The following GPC5 variants were observed in gnomAD, a reference collection of about 807,000 sequenced individuals.
The protein encoded by GPC5 is glypican-5.
GPC5 carries 47 observed loss-of-function variants against 53.9 expected under a neutral mutation model. The observed-to-expected ratio is 0.87, with a 90% confidence interval of 0.69 to 1.11. The LOEUF (loss-of-function observed/expected upper bound fraction) is 1.11. Among genes scored for constraint, GPC5 ranks in the 50% most tolerant of loss-of-function variants. The pLI is 0.00. For synonymous variants in GPC5, 286 were observed against 263.3 expected, an observed-to-expected ratio of 1.09 and a Z score of -0.84; for missense variants, 748 against 713.1, an observed-to-expected ratio of 1.05 and a Z score of -0.56.
At chr13:92,562,326 CT>C (rs1882726609) in intron 7 of GPC5, among the ~76,000 whole-genome samples, 1 of 152,056 alleles carries the variant, frequency 6.6e-6, no homozygotes, top group Non-Finnish European at 1.5e-5. Context: ...GCCAAGAAGT[CT>C]GTGTTCTCCT....
intron 7 of GPC5, among the ~76,000 whole-genome samples, chr13:92,174,514 G>A (rs1300460763): frequency 2.7e-5 from 4 of 148,154 alleles, no homozygotes; most frequent in African/African-American, 1.0e-4. Context: ...CAGCCTAGGC[G>A]ACAGAGCGAG....
At chr13:92,193,386 A>G (rs1335287843) in intron 7 of GPC5, among the ~76,000 whole-genome samples, 1 of 152,154 alleles carries the variant, frequency 6.6e-6, no homozygotes, top group Non-Finnish European at 1.5e-5. Flanking sequence ...CAAATTCTGA[A>G]CTCCATATCT....
intron 7 of GPC5, among the ~76,000 whole-genome samples, chr13:92,575,607 T>C (rs939693600): frequency 6.6e-6 from 1 of 152,096 alleles, no homozygotes; most frequent in African/African-American, 2.4e-5. Context: ...AGGAAACTCA[T>C]ATAAATAGAA....
intron 2 of GPC5, among the ~76,000 whole-genome samples, chr13:91,601,437 G>A (rs988895453): frequency 6.6e-6 from 1 of 152,120 alleles, no homozygotes; most frequent in Admixed American, 6.5e-5. Flanking sequence ...GATAGGGCAG[G>A]GATCCCCAAC....
At chr13:91,410,711 T>C (rs1274694110) in intron 1 of GPC5, among the ~76,000 whole-genome samples, 4 of 152,246 alleles carry the variant, frequency 2.6e-5, no homozygotes, top group Non-Finnish European at 5.9e-5. Context: ...TCTCAAGGTA[T>C]TAATCCTGTA....
intron 7 of GPC5, among the ~76,000 whole-genome samples, chr13:92,311,638 G>A (rs1016638302): frequency 6.6e-6 from 1 of 152,172 alleles, no homozygotes; most frequent in Non-Finnish European, 1.5e-5. Flanking sequence ...AGCCAAGAGA[G>A]TGTGTGCAGG....
At chr13:92,580,712 A>G (rs1433945466) in intron 7 of GPC5, among the ~76,000 whole-genome samples, 2 of 152,102 alleles carry the variant, frequency 1.3e-5, no homozygotes. Flanking sequence ...TGACACTCAC[A>G]CTTTTAAATG....
intron 7 of GPC5, among the ~76,000 whole-genome samples, chr13:92,510,364 G>A (rs547662494): frequency 1.3e-5 from 2 of 152,204 alleles, no homozygotes; most frequent in Non-Finnish European, 2.9e-5. Flanking sequence ...AGATGCCAGT[G>A]GGTTAGAATA....
intron 7 of GPC5, among the ~76,000 whole-genome samples, chr13:92,654,652 G>A (rs548630327): frequency 8.6e-5 from 13 of 151,578 alleles, no homozygotes; most frequent in African/African-American, 2.7e-4. Context: ...TGTTGAAATC[G>A]TTTGACAAAC....
At chr13:91,577,236 C>G (rs953017035) in intron 2 of GPC5, among the ~76,000 whole-genome samples, 9 of 152,256 alleles carry the variant, frequency 5.9e-5, no homozygotes, top group East Asian at 1.9e-4. Flanking sequence ...GTAGTTGGGT[C>G]TTTGGGAAAT....
intron 7 of GPC5, among the ~76,000 whole-genome samples, chr13:92,247,176 A>C (rs1371251894): frequency 6.6e-6 from 1 of 152,146 alleles, no homozygotes; most frequent in East Asian, 1.9e-4. Context: ...AAAGAAAATA[A>C]AGATGACTGC....
At chr13:92,631,969 A>C (rs568389036) in intron 7 of GPC5, among the ~76,000 whole-genome samples, 5 of 152,168 alleles carry the variant, frequency 3.3e-5, no homozygotes, top group Non-Finnish European at 5.9e-5. Flanking sequence ...ATAATCCTCA[A>C]TCTGAAACAT....
intron 7 of GPC5, among the ~76,000 whole-genome samples, chr13:92,645,620 G>T (rs1481892377): frequency 1.3e-5 from 2 of 152,106 alleles, no homozygotes; most frequent in South Asian, 4.1e-4. Flanking sequence ...GTTTTCCAAA[G>T]TGGCTATAAT....
chr13:92,522,443 A>G (rs1276753518), intron 7 of GPC5, among the ~76,000 whole-genome samples: 2 of 152,194 alleles, frequency 1.3e-5, no homozygotes, highest in East Asian at 3.8e-4. Flanking sequence ...CAGCCATAAA[A>G]AAGGATGAGT....
intron 5 of GPC5, among the ~76,000 whole-genome samples, chr13:91,775,406 G>T (rs942978449): frequency 6.6e-6 from 1 of 151,818 alleles, no homozygotes; most frequent in Non-Finnish European, 1.5e-5. Flanking sequence ...CTAACCTATC[G>T]ATCTGCTACC....
intron 2 of GPC5, among the ~76,000 whole-genome samples, chr13:91,578,915 C>T (rs762051132): frequency 1.3e-4 from 20 of 151,950 alleles, no homozygotes; most frequent in Non-Finnish European, 2.9e-4. Context: ...GGAGTGGTGG[C>T]ATGTGCCTGT....
At chr13:92,674,270 G>C (rs1426119508) in intron 7 of GPC5, among the ~76,000 whole-genome samples, 1 of 152,154 alleles carries the variant, frequency 6.6e-6, no homozygotes, top group Admixed American at 6.5e-5. Flanking sequence ...AGCAACTTTA[G>C]AAAGATGGGT....
intron 1 of GPC5, among the ~76,000 whole-genome samples, chr13:91,401,590 G>A (rs191281458): frequency 9.5e-4 from 144 of 152,268 alleles, no homozygotes; most frequent in African/African-American, 3.4e-3. Context: ...TTGGAAGTAC[G>A]TATTTTTACT....
chr13:92,035,074 TTG>T (rs2040881797), intron 6 of GPC5, among the ~76,000 whole-genome samples: 1 of 152,002 alleles, frequency 6.6e-6, no homozygotes, highest in South Asian at 2.1e-4. Context: ...GACTTTTGTG[TTG>T]TGATGGCAGG....
Sources: gnomAD v4.1 joint callset for allele counts (sites outside exome capture counted in the v4.1 genomes callset) on GRCh38, gnomAD v4.1.1 for gene constraint, MANE v1.5 for transcripts, NCBI Gene and HGNC (gene_info 2026-07-23, HGNC 2026-07-21) for gene names.